ENAM: variants seen among roughly 807,000 people sequenced by gnomAD.
ENAM encodes the protein amelogenesis imperfecta 2, hypocalcification (autosomal dominant).
A neutral mutation model predicts 33.6 loss-of-function variants in ENAM; 21 were observed. The observed-to-expected ratio is 0.63, with a 90% confidence interval of 0.44 to 0.90. ENAM has a LOEUF of 0.90. Ranked by LOEUF, ENAM falls within the 40% of genes least tolerant of loss-of-function variation. ENAM has a pLI of 0.00. For synonymous variants in ENAM, 473 were observed against 468.4 expected, an observed-to-expected ratio of 1.01 and a Z score of -0.13; for missense variants, 1,388 against 1,366.9, an observed-to-expected ratio of 1.02 and a Z score of -0.24.
At position 70,644,631 on chromosome 4, in the gene ENAM, A is replaced by G; in HGVS notation, c.3205A>G (p.Thr1069Ala). The G allele has an allele frequency of 6.2e-7, 1 of 1,613,936 alleles. No individual in the cohort carries two copies. Among genetic ancestry groups the G allele is most frequent in the South Asian group, 1.1e-5 (1 of 91,002 alleles). Residue 1069 changes from threonine (T) to alanine (A), a missense_variant, in exon 9 of 9, where the codon ACC (threonine) becomes GCC (alanine). By Grantham distance (58) the Thr-to-Ala change is moderately conservative (BLOSUM62 0). Transcript: ENST00000396073. ...CAAATTAGCAAAGCATCACTCTTCC[A>G]CCACCGGAACTCCATCTAGCGATGG... is the stretch of plus-strand genomic sequence containing the variant. ...GSKLAKHHSS[T>A]TGTPSSDGRQ... is the part of the protein sequence containing the mutation.
At chr4:70,635,993 A>C in intron 7 of ENAM, 99 bp downstream of exon 7, 1 of 644,728 alleles carries the variant, frequency 1.6e-6, no homozygotes, top group Non-Finnish European at 2.7e-6. Context: ...GGAATACCAT[A>C]TACCAATCAG....
At position 70,637,839 on chromosome 4, in the gene ENAM, G is replaced by T. The variant is rs143129444; in HGVS notation, c.584G>T (p.Gly195Val). 3.7e-4 allele frequency: 592 copies of T among 1,611,202 alleles called. 1 individual carries two copies. The highest frequency in any genetic ancestry group is 3.6e-4 in the Non-Finnish European group (425 of 1,177,330). ...CGCCCACCAATCAGCAATGAAGAAG[G>T]GGGGGTAAGTACAAGTAAAACTACA... The part of the protein sequence containing the change: ...YGRPPISNEE[G>V]GNPYFGYFGY... The change falls in exon 8 of 9, where the codon GGG (glycine) becomes GTG (valine). Residue 195 changes from glycine (G) to valine (V), a missense_variant. By Grantham distance (109) the Gly-to-Val change is moderately radical. Coordinates refer to ENST00000396073, the MANE Select transcript of ENAM (RefSeq NM_031889.3).
Position 70,643,024 on chromosome 4 carries a change from C to T in ENAM, c.1598C>T (p.Thr533Ile). 1.2e-6 allele frequency: 2 copies of T among 1,614,102 alleles called. No individual in the cohort carries two copies. Among genetic ancestry groups the T allele is most frequent in the Non-Finnish European group, 8.5e-7 (1 of 1,180,008 alleles). The part of the protein sequence containing the change: ...GSRRMPYESE[T>I]NQSELKHSSY... ...AGAAGGATGCCATATGAATCAGAAA[C>T]TAATCAGTCAGAATTAAAGCACAGC... is the stretch of plus-strand genomic sequence containing the variant. Residue 533 changes from threonine to isoleucine, a missense_variant, in exon 9 of 9, where the codon ACT becomes ATT. By Grantham distance (89) the Thr-to-Ile change is moderately conservative. Transcript: ENST00000396073.
chr4:70,642,762 C>A lies in ENAM; in HGVS notation c.1336C>A (p.Gln446Lys). Residue 446 changes from glutamine to lysine, a missense_variant, in exon 9 of 9, where the codon CAA (glutamine) becomes AAA (lysine). Transcript: ENST00000396073. ...PKEKPLGPKE[Q>K]IIVPTKNPTS... ...GGAGAAGCCCCTGGGTCCAAAAGAA[C>A]AAATAATAGTTCCTACAAAGAATCC... 6.2e-7 allele frequency: 1 copy of A among 1,611,022 alleles called. No homozygotes were observed. Among genetic ancestry groups the A allele is most frequent in the South Asian group, 1.1e-5 (1 of 90,296 alleles).
In ENAM at chr4:70,644,242, G is replaced by A. The variant is rs752376600; in HGVS notation, c.2816G>A (p.Arg939Lys). Reference sequence around the variant, plus strand: ...GGCCAAAGAAACAGCTCAGAGAAGAGGGAAAGCCAAAACCCTTTTAGAGAT... The same window carrying A: ...GGCCAAAGAAACAGCTCAGAGAAGAAGGAAAGCCAAAACCCTTTTAGAGAT... ...LPGQRNSSEK[R>K]ESQNPFRDDV... The change falls in exon 9 of 9, where the codon AGG becomes AAG. Residue 939 changes from arginine to lysine, a missense_variant. Coordinates refer to ENST00000396073, the MANE Select transcript of ENAM (RefSeq NM_031889.3). 1.8e-5 allele frequency: 29 copies of A among 1,614,044 alleles called. 1 individual carries two copies. The highest frequency in any genetic ancestry group is 2.2e-5 in the East Asian group (1 of 44,894).
intron 2 of ENAM, among the ~76,000 whole-genome samples, chr4:70,630,613 G>A (rs560028630): frequency 9.9e-5 from 15 of 152,164 alleles, no homozygotes; most frequent in East Asian, 1.9e-4. Flanking sequence ...AATGAACCCC[G>A]TTAAAAACAA....
rs144070672 is a variant in ENAM at position 70,643,741 on chromosome 4, C to A, written c.2315C>A (p.Ala772Asp). 2.2e-4 allele frequency: 355 copies of A among 1,614,012 alleles called. 1 individual carries two copies. Among genetic ancestry groups the A allele is most frequent in the Non-Finnish European group, 2.7e-4 (320 of 1,180,036 alleles). Residue 772 changes from alanine to aspartate, a missense_variant, in exon 9 of 9, where the codon GCC (alanine) becomes GAC (aspartate). Physicochemically the swap from Ala to Asp is moderately radical, Grantham distance 126. Transcript: ENST00000396073. Reference sequence around the variant, plus strand: ...AATTCCTGGGACCACAGGATACAAGCCCAAGGGCAGAGAGAAAGAAGGCCG... The same window carrying A: ...AATTCCTGGGACCACAGGATACAAGACCAAGGGCAGAGAGAAAGAAGGCCG... ...SRNSWDHRIQ[A>D]QGQRERRPYF...
Position 70,643,604 on chromosome 4 carries a change from G to T in ENAM, c.2178G>T (p.Glu726Asp). The change falls in exon 9 of 9, where the codon GAG becomes GAT. Residue 726 changes from glutamate to aspartate, a missense_variant. Glu to Asp is a conservative substitution (Grantham distance 45). Coordinates refer to ENST00000396073, the MANE Select transcript of ENAM (RefSeq NM_031889.3). ...AATTTTACCCATGGAGCCCGGATGA[G>T]AATTTTCCATCATATAATACAGCTT... Reference protein sequence around the residue: ...YSEFYPWSPDENFPSYNTAST... With the variant: ...YSEFYPWSPDDNFPSYNTAST... 6.2e-7 allele frequency: 1 copy of T among 1,614,088 alleles called. No individual in the cohort carries two copies. The highest frequency in any genetic ancestry group is 8.5e-7 in the Non-Finnish European group (1 of 1,180,018).
At position 70,644,834 on chromosome 4, in the gene ENAM, C is replaced by A; in HGVS notation, c.3408C>A (p.Asp1136Glu). 1 of 1,613,744 alleles carries A rather than the reference C, an allele frequency of 6.2e-7. No homozygotes were observed. Among genetic ancestry groups the A allele is most frequent in the Non-Finnish European group, 8.5e-7 (1 of 1,179,626 alleles). ...RGTNVQDQVQ[D>E]CLLLQA ...CCAATGTACAGGACCAGGTACAAGA[C>A]TGCTTACTACTTCAGGCCTAGGGGT... is the stretch of plus-strand genomic sequence containing the variant. Residue 1136 changes from aspartate (D) to glutamate (E), a missense_variant, in exon 9 of 9, where the codon GAC (aspartate) becomes GAA (glutamate). By Grantham distance (45) the Asp-to-Glu change is conservative (BLOSUM62 2). Coordinates refer to ENST00000396073, the MANE Select transcript of ENAM (RefSeq NM_031889.3).
At chr4:70,636,533 C>G (rs1182232794) in intron 7 of ENAM, among the ~76,000 whole-genome samples, 2 of 152,084 alleles carry the variant, frequency 1.3e-5, no homozygotes, top group Admixed American at 6.6e-5. Context: ...CTTTGGGAAG[C>G]CGAGGCAGGC....
intron 2 of ENAM, among the ~76,000 whole-genome samples, chr4:70,631,211 T>C (rs1161565620): frequency 2.6e-5 from 4 of 152,166 alleles, no homozygotes; most frequent in Non-Finnish European, 5.9e-5. Context: ...GATTTTGGAG[T>C]GTGCCCTCCT....
chr4:70,632,726 C>G, intron 5 of ENAM, 34 bp downstream of exon 5: 1 of 1,434,124 alleles, frequency 7.0e-7, no homozygotes, highest in Non-Finnish European at 9.8e-7. Context: ...CTGATGATTT[C>G]TTGTTTATCT....
In ENAM at chr4:70,634,390, C is replaced by G; in HGVS notation, c.293C>G (p.Pro98Arg). ...QYQMPMWPQPPPNTWHPRKSS... is the reference protein window; with the variant it reads ...QYQMPMWPQPRPNTWHPRKSS... Reference sequence around the variant, plus strand: ...CAGATGCCCATGTGGCCTCAGCCACCACCCAACACATGGCATCCACGGAAA... The same window carrying G: ...CAGATGCCCATGTGGCCTCAGCCACGACCCAACACATGGCATCCACGGAAA... The change falls in exon 6 of 9, where the codon CCA becomes CGA. Residue 98 changes from proline (P) to arginine (R), a missense_variant. Coordinates refer to ENST00000396073, the MANE Select transcript of ENAM (RefSeq NM_031889.3). 6.2e-7 allele frequency: 1 copy of G among 1,614,114 alleles called. No homozygotes were observed. Among genetic ancestry groups the G allele is most frequent in the Non-Finnish European group, 8.5e-7 (1 of 1,179,996 alleles).
intron 7 of ENAM, among the ~76,000 whole-genome samples, chr4:70,636,875 A>G (rs748082003): frequency 6.6e-6 from 1 of 152,248 alleles, no homozygotes; most frequent in African/African-American, 2.4e-5. Context: ...ATTGCATCAT[A>G]GGCATTAAAA....
At chr4:70,638,808 T>C (rs1449246582) in intron 8 of ENAM, among the ~76,000 whole-genome samples, 1 of 149,956 alleles carries the variant, frequency 6.7e-6, no homozygotes, top group Non-Finnish European at 1.5e-5. Flanking sequence ...TTTTTTTTTT[T>C]GTAAGACAGA....
chr4:70,638,310 A>T (rs939803525), intron 8 of ENAM, among the ~76,000 whole-genome samples: 3 of 152,124 alleles, frequency 2.0e-5, no homozygotes, highest in Non-Finnish European at 4.4e-5. Flanking sequence ...GCTCTATGTC[A>T]TCTAAAAAGT....
At chr4:70,634,752 T>C (rs1217673673) in intron 6 of ENAM, among the ~76,000 whole-genome samples, 184 bp downstream of exon 6, 1 of 152,214 alleles carries the variant, frequency 6.6e-6, no homozygotes, top group Non-Finnish European at 1.5e-5. Flanking sequence ...ATTACCCAAA[T>C]ACTGTTGCCT....
In ENAM at chr4:70,643,840, G is replaced by T. The variant is rs760720130; in HGVS notation, c.2414G>T (p.Gly805Val). Residue 805 changes from glycine to valine, a missense_variant, in exon 9 of 9, where the codon GGT becomes GTT. Coordinates refer to ENST00000396073, the MANE Select transcript of ENAM (RefSeq NM_031889.3). ...CCAGCTAGGCCACCAGACCAGAAAGGTAACCAGCCCTATTACAGTAACACC... is the reference window on the plus strand; with the variant it reads ...CCAGCTAGGCCACCAGACCAGAAAGTTAACCAGCCCTATTACAGTAACACC... ...KAPARPPDQK[G>V]NQPYYSNTPA... 1.2e-6 allele frequency: 2 copies of T among 1,614,166 alleles called. No individual in the cohort carries two copies. The highest frequency in any genetic ancestry group is 1.7e-6 in the Non-Finnish European group (2 of 1,180,028).
Position 70,646,462 on chromosome 4 carries a change from A to G in ENAM, c.*1607A>G, listed in dbSNP as rs1189157687. 6.6e-6 allele frequency: 1 copy of G among 152,226 alleles called. No individual in the cohort carries two copies. Among genetic ancestry groups the G allele is most frequent in the African/African-American group, 2.4e-5 (1 of 41,462 alleles). 9.4% of individuals were successfully genotyped at this position (152,226 alleles called of 1,614,324 possible). On this transcript the variant is annotated 3_prime_UTR_variant, in exon 9 of 9. Coordinates refer to ENST00000396073, the MANE Select transcript of ENAM (RefSeq NM_031889.3). ...ATCTTGCCCTTGAATCTTCTGAAGT[A>G]CCTAGCACAGTGTCTTCAACATAGA...
Sources: gnomAD v4.1 joint callset for allele counts (sites outside exome capture counted in the v4.1 genomes callset) on GRCh38, gnomAD v4.1.1 for gene constraint, MANE v1.5 for transcripts, NCBI Gene and HGNC (gene_info 2026-07-23, HGNC 2026-07-21) for gene names.